The following KAZN variants were observed in gnomAD, a reference collection of about 807,000 sequenced individuals.
The protein encoded by KAZN is kazrin.
Under a neutral mutation model 87.4 loss-of-function variants are expected in KAZN, and 40 were observed. The observed-to-expected ratio is 0.46, with a 90% CI of 0.36 to 0.60. KAZN has a LOEUF of 0.60. KAZN is among the 20% of genes least tolerant of loss of function. The pLI is 0.00. For missense variants in KAZN, 898 were observed against 1,073.9 expected, an observed-to-expected ratio of 0.84 and a Z score of 2.29; for synonymous variants, 466 against 458.3, an observed-to-expected ratio of 1.02 and a Z score of -0.22.
intron 1 of KAZN, among the ~76,000 whole-genome samples, chr1:14,033,209 A>AAGCC (rs1641401831): frequency 6.6e-6 from 1 of 152,196 alleles, no homozygotes; most frequent in African/African-American, 2.4e-5. Flanking sequence ...AGTGATGAGG[A>AAGCC]AGTTTGACAG....
chr1:14,003,261 C>T (rs903957446), intron 1 of KAZN, among the ~76,000 whole-genome samples: 1 of 151,198 alleles, frequency 6.6e-6, no homozygotes, highest in African/African-American at 2.4e-5. Context: ...CAGCAAACCA[C>T]CATGGCACAT....
chr1:14,870,350 G>A (rs1021823517), intron 1 of KAZN, among the ~76,000 whole-genome samples: 26 of 152,158 alleles, frequency 1.7e-4, no homozygotes, highest in Admixed American at 1.2e-3. Context: ...TGTTTTTTGT[G>A]TGTTTGTATT....
At chr1:14,062,551 T>A (rs931943367) in intron 1 of KAZN, among the ~76,000 whole-genome samples, 8 of 152,256 alleles carry the variant, frequency 5.3e-5, no homozygotes, top group African/African-American at 1.7e-4. Context: ...TTGTTTACAA[T>A]AAATTGTAAA....
chr1:15,036,741 T>C (rs931721864), intron 3 of KAZN, among the ~76,000 whole-genome samples: 1 of 152,146 alleles, frequency 6.6e-6, no homozygotes, highest in African/African-American at 2.4e-5. Flanking sequence ...CTATCCTGTC[T>C]GATGATGCAG....
At chr1:14,533,587 C>A (rs1241182567) in intron 2 of KAZN, among the ~76,000 whole-genome samples, 2 of 152,108 alleles carry the variant, frequency 1.3e-5, no homozygotes, top group Non-Finnish European at 2.9e-5. Context: ...GTCTAGCAGA[C>A]CCATAATAAA....
At chr1:14,600,359 G>A (rs1307230272) in intron 1 of KAZN, among the ~76,000 whole-genome samples, 1 of 152,088 alleles carries the variant, frequency 6.6e-6, no homozygotes, top group African/African-American at 2.4e-5. Context: ...CTAAGAATCT[G>A]GTTCTCTCCA....
chr1:13,989,791 C>G (rs1639195265), intron 1 of KAZN, among the ~76,000 whole-genome samples: 1 of 152,110 alleles, frequency 6.6e-6, no homozygotes, highest in Non-Finnish European at 1.5e-5. Context: ...CATCTTTGAT[C>G]CCGTGGAGAA....
intron 2 of KAZN, among the ~76,000 whole-genome samples, chr1:15,032,431 A>G (rs1173201672): frequency 1.3e-5 from 2 of 151,290 alleles, no homozygotes; most frequent in Non-Finnish European, 2.9e-5. Context: ...TGACCTTGTG[A>G]TCTGCCCGCC....
intron 1 of KAZN, among the ~76,000 whole-genome samples, chr1:14,836,366 G>A (rs185079621): frequency 3.0e-4 from 46 of 152,304 alleles, no homozygotes; most frequent in African/African-American, 1.0e-3. Flanking sequence ...TGGGGAGTGG[G>A]TGGGACGAGC....
At chr1:14,648,504 G>GA (rs766561101) in intron 1 of KAZN, among the ~76,000 whole-genome samples, 10 of 152,014 alleles carry the variant, frequency 6.6e-5, no homozygotes, top group Non-Finnish European at 1.3e-4. Flanking sequence ...TGATCTAAAG[G>GA]AAAAAACAGA....
chr1:14,154,958 C>CTTCT (rs1645558985), intron 1 of KAZN, among the ~76,000 whole-genome samples: 1 of 80,194 alleles, frequency 1.2e-5, no homozygotes, highest in Admixed American at 1.3e-4. Context: ...GTTTTTCTTC[C>CTTCT]TTCCTTCCTT....
At chr1:14,003,508 A>G (rs888002431) in intron 1 of KAZN, among the ~76,000 whole-genome samples, 1 of 152,108 alleles carries the variant, frequency 6.6e-6, no homozygotes, top group African/African-American at 2.4e-5. Flanking sequence ...CATAGTAATA[A>G]GAGTATAATA....
rs140431531 is a variant in KAZN, at chr1:14,502,514, A to G, written c.250-96469A>G. Among the ~76,000 whole-genome samples, 255 of 152,284 alleles carry G rather than the reference A, an allele frequency of 1.7e-3. 1 individual carries two copies. Among genetic ancestry groups the G allele is most frequent in the Middle Eastern group, 6.8e-3 (2 of 294 alleles). ...GGCAGGAGTAGGGGGTAGAGAAACC[A>G]TGAGCTCTCTTCTTTAGAGCCCTCT... is the stretch of plus-strand genomic sequence containing the variant. On this transcript the variant is annotated intron_variant, in intron 2 of 16. Transcript: ENST00000636203.
intron 1 of KAZN, among the ~76,000 whole-genome samples, chr1:13,899,787 G>A (rs1319206453): frequency 6.6e-6 from 1 of 152,000 alleles, no homozygotes; most frequent in African/African-American, 2.4e-5. Flanking sequence ...GGGATTACAG[G>A]TTTGTGCCAC....
chr1:14,199,364 AC>A (rs1646593161), intron 2 of KAZN, among the ~76,000 whole-genome samples: 2 of 152,108 alleles, frequency 1.3e-5, no homozygotes, highest in South Asian at 4.1e-4. Context: ...CTCTCTGTCC[AC>A]ACTTTGCACA....
chr1:14,693,124 C>T (rs1641413934), intron 1 of KAZN, among the ~76,000 whole-genome samples: 1 of 152,184 alleles, frequency 6.6e-6, no homozygotes, highest in Non-Finnish European at 1.5e-5. Flanking sequence ...TTAAGTAGGG[C>T]TGATTATGTC....
chr1:13,912,627 A>G (rs187728809), intron 1 of KAZN, among the ~76,000 whole-genome samples: 1 of 152,036 alleles, frequency 6.6e-6, no homozygotes, highest in African/African-American at 2.4e-5. Flanking sequence ...TTTTTGAGAC[A>G]GGGTCTCACT....
intron 2 of KAZN, among the ~76,000 whole-genome samples, chr1:14,237,433 A>C (rs1648528895): frequency 1.3e-5 from 2 of 152,178 alleles, no homozygotes; most frequent in Non-Finnish European, 2.9e-5. Context: ...GTCACATGAA[A>C]TCATTTCATG....
intron 1 of KAZN, among the ~76,000 whole-genome samples, chr1:14,818,973 T>C (rs1303221877): frequency 6.6e-6 from 1 of 152,130 alleles, no homozygotes; most frequent in East Asian, 1.9e-4. Context: ...GACAATCGCT[T>C]GAATCTGGGA....
Sources: gnomAD v4.1 joint callset for allele counts (sites outside exome capture counted in the v4.1 genomes callset) on GRCh38, gnomAD v4.1.1 for gene constraint, MANE v1.5 for transcripts, NCBI Gene and HGNC (gene_info 2026-07-23, HGNC 2026-07-21) for gene names.